USH2A: variants seen among roughly 807,000 people sequenced by gnomAD.
The protein encoded by USH2A is Usher syndrome 2A (autosomal recessive, mild).
USH2A carries 443 observed loss-of-function variants against 538.9 expected under a neutral mutation model. The ratio of observed to expected loss-of-function variants is 0.82; its 90% CI spans 0.76 to 0.89. The LOEUF is 0.89. Among genes scored for constraint, USH2A ranks in the 40% least tolerant of loss-of-function variants. USH2A has a pLI of 0.00. For synonymous variants in USH2A, 2,413 were observed against 2,273.5 expected, an observed-to-expected ratio of 1.06 and a Z score of -1.75; for missense variants, 6,633 against 6,324.8, an observed-to-expected ratio of 1.05 and a Z score of -1.65.
intron 41 of USH2A, among the ~76,000 whole-genome samples, chr1:215,885,236 C>A (rs1160358152): frequency 1.3e-5 from 2 of 150,464 alleles, no homozygotes; most frequent in African/African-American, 2.5e-5. Context: ...TAAAAAAAAA[C>A]CATATGGGCT....
chr1:216,235,210 T>A (rs1358901335), intron 13 of USH2A, among the ~76,000 whole-genome samples: 1 of 152,208 alleles, frequency 6.6e-6, no homozygotes, highest in African/African-American at 2.4e-5. Context: ...GGCTTAATTA[T>A]AACTGACCTC....
chr1:215,929,434 G>T (rs1666310764), intron 38 of USH2A, among the ~76,000 whole-genome samples: 1 of 151,982 alleles, frequency 6.6e-6, no homozygotes, highest in Non-Finnish European at 1.5e-5. Context: ...CCCCTTAGCA[G>T]GGTTACTGGC....
intron 49 of USH2A, among the ~76,000 whole-genome samples, chr1:215,803,576 G>A (rs2102783473): frequency 6.6e-6 from 1 of 152,202 alleles, no homozygotes; most frequent in East Asian, 1.9e-4. Context: ...CAACTTACAA[G>A]GGATGTGAAG....
intron 3 of USH2A, among the ~76,000 whole-genome samples, chr1:216,382,972 T>C (rs2038945478): frequency 6.6e-6 from 1 of 152,128 alleles, no homozygotes; most frequent in Admixed American, 6.5e-5. Flanking sequence ...ATTAAAAATA[T>C]GACCTGAATA....
intron 47 of USH2A, among the ~76,000 whole-genome samples, chr1:215,834,450 T>C (rs566002298): frequency 6.4e-4 from 98 of 152,176 alleles, no homozygotes; most frequent in Non-Finnish European, 7.8e-4. Context: ...AATGGCTACA[T>C]ATTATGTGAT....
chr1:215,738,353 T>C (rs780094023), intron 60 of USH2A, among the ~76,000 whole-genome samples: 20 of 152,124 alleles, frequency 1.3e-4, no homozygotes, highest in Admixed American at 2.0e-4. Flanking sequence ...TACAAAACTT[T>C]TTGTAGCAAA....
chr1:215,993,544 T>G (rs1267685936), intron 34 of USH2A, among the ~76,000 whole-genome samples: 1 of 98,124 alleles, frequency 1.0e-5, no homozygotes, highest in African/African-American at 4.8e-5. Context: ...ACACACAGCA[T>G]GTGTACACAT....
chr1:216,092,970 A>T (rs998676834), intron 22 of USH2A, among the ~76,000 whole-genome samples: 2 of 146,294 alleles, frequency 1.4e-5, no homozygotes, highest in African/African-American at 5.0e-5. Context: ...GGCTTTAACA[A>T]TTTTTTTTTT....
rs2102572927 is a variant in USH2A at position 216,097,218 on chromosome 1, T to C, written c.4628-5A>G. ...TTCGAAAGCTGGCCTTAATGCCTGG[T>C]AAGACAAGTGTGATCAGCAAATCAG... On this transcript the variant is annotated splice_region_variant and splice_polypyrimidine_tract_variant and intron_variant, in intron 21 of 71. Coordinates refer to ENST00000307340, the MANE Select transcript of USH2A (RefSeq NM_206933.4). 2 of 1,614,148 alleles carry C rather than the reference T, an allele frequency of 1.2e-6. No individual in the cohort carries two copies. Among genetic ancestry groups the C allele is most frequent in the Non-Finnish European group, 1.7e-6 (2 of 1,179,994 alleles).
Position 215,981,659 on chromosome 1 carries a change from T to C in USH2A, c.6806-10883A>G, listed in dbSNP as rs539582971. 1.3e-4 allele frequency among the ~76,000 whole-genome samples: 20 copies of C among 152,264 alleles called. 1 individual carries two copies. In the South Asian group the frequency reaches 3.9e-3, roughly 30 times the overall value. ...CCTTGCAACACTACCTCAAGGAGTA[T>C]ACCAAATCCAAATAAATGAGAATCC... is the stretch of plus-strand genomic sequence containing the variant. On this transcript the variant is annotated intron_variant, in intron 35 of 71. Transcript: ENST00000307340.
intron 38 of USH2A, among the ~76,000 whole-genome samples, chr1:215,926,871 G>C (rs559972088): frequency 6.6e-6 from 1 of 152,168 alleles, no homozygotes; most frequent in South Asian, 2.1e-4. Flanking sequence ...GCCTTCCGAA[G>C]TGCTGGGATT....
chr1:215,842,803 C>T (rs954721429), intron 46 of USH2A, among the ~76,000 whole-genome samples: 2 of 151,838 alleles, frequency 1.3e-5, no homozygotes, highest in Admixed American at 6.6e-5. Flanking sequence ...CACACTGGGG[C>T]CTGTTGGGGG....
chr1:215,797,066 C>T (rs980690418), intron 50 of USH2A, among the ~76,000 whole-genome samples: 1 of 152,202 alleles, frequency 6.6e-6, no homozygotes, highest in East Asian at 1.9e-4. Context: ...AGTGAAACAG[C>T]CTTATTGCTG....
chr1:216,394,751 C>T (rs1348046590), intron 3 of USH2A, among the ~76,000 whole-genome samples: 3 of 119,272 alleles, frequency 2.5e-5, no homozygotes, highest in Non-Finnish European at 3.4e-5. Flanking sequence ...CAGAGTCTCG[C>T]TCTGTCGCCC....
chr1:215,629,096 G>T, intron 70 of USH2A, 61 bp from the exon 71 acceptor site: 1 of 1,492,588 alleles, frequency 6.7e-7, no homozygotes, highest in South Asian at 1.1e-5. Context: ...AAATATGACA[G>T]AGAATTGTGT....
chr1:216,297,950 A>C (rs1220979079), intron 9 of USH2A, among the ~76,000 whole-genome samples: 1 of 152,124 alleles, frequency 6.6e-6, no homozygotes, highest in African/African-American at 2.4e-5. Context: ...TGAAGGAGAG[A>C]AATGAGCTCA....
chr1:215,846,839 C>T (rs537967565), intron 44 of USH2A, among the ~76,000 whole-genome samples: 2 of 152,104 alleles, frequency 1.3e-5, no homozygotes, highest in East Asian at 1.9e-4. Flanking sequence ...TAACAACATT[C>T]GCTAACTGAT....
intron 10 of USH2A, among the ~76,000 whole-genome samples, chr1:216,290,780 C>G (rs1052257122): frequency 1.3e-5 from 2 of 152,142 alleles, no homozygotes; most frequent in Non-Finnish European, 2.9e-5. Context: ...CCTCCCTCAT[C>G]TCAATCCTCC....
At chr1:216,360,337 T>C (rs2102702604) in intron 4 of USH2A, among the ~76,000 whole-genome samples, 1 of 152,208 alleles carries the variant, frequency 6.6e-6, no homozygotes, top group Non-Finnish European at 1.5e-5. Context: ...CCCAACTATA[T>C]GATATTCTAG....
Sources: allele counts gnomAD v4.1 joint callset (sites outside exome capture counted in the v4.1 genomes callset), GRCh38; gene constraint gnomAD v4.1.1; transcripts MANE v1.5; gene names NCBI Gene and HGNC (gene_info 2026-07-23, HGNC 2026-07-21).